Variants in ADAMTS17 observed in about 807,000 individuals in gnomAD.
ADAMTS17 encodes the protein ADAM metallopeptidase with thrombospondin type 1 motif 17.
In ADAMTS17, 113 loss-of-function variants were observed where a neutral mutation model predicts 141.5. The ratio of observed to expected loss-of-function variants is 0.80; its 90% CI spans 0.69 to 0.93. ADAMTS17 has a LOEUF of 0.93. ADAMTS17 is among the 40% of genes least tolerant of loss of function. ADAMTS17 has a pLI of 0.00. For missense variants in ADAMTS17, 1,659 were observed against 1,517.9 expected (o/e 1.09, Z -1.54); for synonymous variants, 768 against 630.6 (o/e 1.22, Z -3.27).
chr15:100,229,615 C>A (rs573701442), intron 7 of ADAMTS17, among the ~76,000 whole-genome samples: 10 of 152,232 alleles, frequency 6.6e-5, no homozygotes, highest in Admixed American at 3.3e-4. Flanking sequence ...AAGGATCCAC[C>A]CTCTGTTGAC....
At chr15:100,078,215 CTT>C (rs201915809) in intron 15 of ADAMTS17, among the ~76,000 whole-genome samples, 23,719 of 141,688 alleles carry the variant, frequency 0.17, 3,582 homozygotes, top group African/African-American at 0.41. Context: ...AAAATCCCAG[CTT>C]TTTTTTTTTT....
At chr15:100,076,915 T>C (rs2034417780) in intron 15 of ADAMTS17, among the ~76,000 whole-genome samples, 2 of 152,184 alleles carry the variant, frequency 1.3e-5, no homozygotes, top group African/African-American at 4.8e-5. Context: ...TGTTATTATG[T>C]ATAGCTCTAT....
intron 13 of ADAMTS17, among the ~76,000 whole-genome samples, chr15:100,110,145 A>G (rs55976413): frequency 0.093 from 12,957 of 138,952 alleles, 552 homozygotes; most frequent in Middle Eastern, 0.14. Flanking sequence ...TGGGCCCAGG[A>G]CCTGGCTCAC....
chr15:100,300,052 T>C (rs1255602179), intron 3 of ADAMTS17, among the ~76,000 whole-genome samples: 1 of 152,200 alleles, frequency 6.6e-6, no homozygotes, highest in Non-Finnish European at 1.5e-5. Flanking sequence ...AATCCTTCAG[T>C]CCTCTTTTCA....
chr15:100,064,300 C>G (rs1193462602), intron 15 of ADAMTS17, among the ~76,000 whole-genome samples: 1 of 152,166 alleles, frequency 6.6e-6, no homozygotes, highest in African/African-American at 2.4e-5. Context: ...GGAACCAACC[C>G]TGCTGACACC....
At chr15:100,165,552 G>A (rs953331593) in intron 8 of ADAMTS17, among the ~76,000 whole-genome samples, 3 of 152,216 alleles carry the variant, frequency 2.0e-5, no homozygotes, top group Admixed American at 6.5e-5. Context: ...TGCATCTAGA[G>A]CCAATGCAGG....
At chr15:100,289,548 TCACACACACACA>T (rs35262820) in intron 3 of ADAMTS17, among the ~76,000 whole-genome samples, 1 of 146,450 alleles carries the variant, frequency 6.8e-6, no homozygotes, top group Non-Finnish European at 1.5e-5. Flanking sequence ...ATACACACAC[TCACACACACACA>T]CACACACACA....
chr15:100,299,156 G>A (rs1450871638), intron 3 of ADAMTS17, among the ~76,000 whole-genome samples: 1 of 151,900 alleles, frequency 6.6e-6, no homozygotes, highest in Admixed American at 6.5e-5. Context: ...ACATTCTAAG[G>A]TACTGGGCTA....
At position 100,154,168 on chromosome 15, in the gene ADAMTS17, G is replaced by T. The variant is rs570439560; in HGVS notation, c.1322+1012C>A. Reference sequence around the variant, plus strand: ...TGCACTCCAGCCTGGGAGACAGAGTGAGACTCCATCTCAAGAAACAAACAA... The same window carrying T: ...TGCACTCCAGCCTGGGAGACAGAGTTAGACTCCATCTCAAGAAACAAACAA... On this transcript the variant is annotated intron_variant, in intron 9 of 21. Transcript: ENST00000268070. Among the ~76,000 whole-genome samples the T allele has an allele frequency of 5.3e-5, 8 of 152,264 alleles. No homozygotes were observed. The South Asian group carries it at 1.7e-3, about 32-fold the overall frequency.
At chr15:100,025,197 G>A (rs777249649) in intron 18 of ADAMTS17, among the ~76,000 whole-genome samples, 1 of 152,130 alleles carries the variant, frequency 6.6e-6, no homozygotes, top group Non-Finnish European at 1.5e-5. Context: ...GACTTTTAAT[G>A]TAAGTTTCCT....
rs774534286 is a variant in ADAMTS17 at position 100,324,436 on chromosome 15, A to T, written c.616+6453T>A. ...CCTGTTGTAAATTATTTCATAATTCAAAATAATTTACACCTGCTACATTCA... is the reference window on the plus strand; with the variant it reads ...CCTGTTGTAAATTATTTCATAATTCTAAATAATTTACACCTGCTACATTCA... On this transcript the variant is annotated intron_variant, in intron 3 of 21. Coordinates refer to ENST00000268070, the MANE Select transcript of ADAMTS17 (RefSeq NM_139057.4). Among the ~76,000 whole-genome samples the T allele has an allele frequency of 5.5e-4, 83 of 152,188 alleles. 1 individual carries two copies. The highest frequency in any genetic ancestry group is 1.3e-4 in the Non-Finnish European group (9 of 68,032).
At chr15:100,255,787 C>T (rs1335420785) in intron 6 of ADAMTS17, among the ~76,000 whole-genome samples, 3 of 152,230 alleles carry the variant, frequency 2.0e-5, no homozygotes, top group East Asian at 1.9e-4. Context: ...CAGGCCAAGG[C>T]AGGCGCCATT....
Position 100,112,443 on chromosome 15 carries a change from T to C in ADAMTS17, c.1889-3327A>G, listed in dbSNP as rs572157513. Among the ~76,000 whole-genome samples, 28 of 152,182 alleles carry C rather than the reference T, an allele frequency of 1.8e-4. No homozygotes were observed. The South Asian group carries it at 5.8e-3, about 32-fold the overall frequency. On this transcript the variant is annotated intron_variant, in intron 13 of 21. Transcript: ENST00000268070. ...GCACCCACATCTCTAGCAAACTATA[T>C]GGCATGATCTCCCAAAGGATAAGGT...
chr15:100,165,911 G>A (rs746002035), intron 8 of ADAMTS17, among the ~76,000 whole-genome samples: 6 of 151,802 alleles, frequency 4.0e-5, no homozygotes, highest in Non-Finnish European at 8.8e-5. Flanking sequence ...TTTCCAGAAT[G>A]GCCTTGGGTA....
intron 3 of ADAMTS17, among the ~76,000 whole-genome samples, chr15:100,288,503 T>C (rs2044521035): frequency 6.6e-6 from 1 of 152,214 alleles, no homozygotes; most frequent in Non-Finnish European, 1.5e-5. Flanking sequence ...AACTCAACAC[T>C]TGACCAAATG....
At chr15:100,327,995 T>C (rs527966545) in intron 3 of ADAMTS17, among the ~76,000 whole-genome samples, 117 of 152,232 alleles carry the variant, frequency 7.7e-4, no homozygotes, top group Non-Finnish European at 1.4e-3. Flanking sequence ...GTACACTGAG[T>C]GCTTCATGGA....
intron 12 of ADAMTS17, among the ~76,000 whole-genome samples, chr15:100,123,618 C>T (rs956418575): frequency 1.3e-4 from 20 of 152,232 alleles, no homozygotes; most frequent in African/African-American, 4.8e-4. Context: ...GCCGACACGC[C>T]CAGAGGGCTC....
intron 7 of ADAMTS17, among the ~76,000 whole-genome samples, chr15:100,236,597 G>C (rs1202963105): frequency 6.6e-6 from 1 of 152,190 alleles, no homozygotes; most frequent in Admixed American, 6.5e-5. Context: ...CAGCAGCTTG[G>C]GAGGCTGAGA....
At chr15:100,063,682 G>T (rs2033293758) in intron 15 of ADAMTS17, 12 of 1,289,886 alleles carry the variant, frequency 9.3e-6, no homozygotes, top group Non-Finnish European at 1.2e-5. Flanking sequence ...GTTTTACCCA[G>T]AAAGCTGTGG....
Sources: allele counts gnomAD v4.1 joint callset (sites outside exome capture counted in the v4.1 genomes callset), GRCh38; gene constraint gnomAD v4.1.1; transcripts MANE v1.5; gene names NCBI Gene and HGNC (gene_info 2026-07-23, HGNC 2026-07-21).